The following CLUH variants were observed in gnomAD, a reference collection of about 807,000 sequenced individuals.
The protein encoded by CLUH is CLUH binding protein of NUMT mRNA.
Under a neutral mutation model 139.3 loss-of-function variants are expected in CLUH, and 77 were observed. That is an observed-to-expected ratio of 0.55 (90% CI 0.46 to 0.67). The LOEUF (loss-of-function observed/expected upper bound fraction) is 0.67. CLUH is among the 30% of genes least tolerant of loss of function. CLUH has a pLI of 0.00. For missense variants in CLUH, 1,876 were observed against 1,875.8 expected (o/e 1.00, Z 0.00); for synonymous variants, 999 against 801.6 (o/e 1.25, Z -4.16).
rs1216207474 is a variant in CLUH at position 2,706,417 on chromosome 17, C to T, written c.101-1853G>A. On this transcript the variant is annotated intron_variant, in intron 1 of 25. Transcript: ENST00000651024. This position sits in a 1 kb window ranked among gnomAD's most constrained non-coding sequence, Gnocchi z 4.6. ...ACCAAGTCAGAATGGGCCCCAGACT[C>T]CCTCCTGCAGCCCGCACCCTACGCC... Among the ~76,000 whole-genome samples, 2 of 152,128 alleles carry T rather than the reference C, an allele frequency of 1.3e-5. No homozygotes were observed. The highest frequency in any genetic ancestry group is 2.9e-5 in the Non-Finnish European group (2 of 68,020).
chr17:2,695,357 C>G lies in CLUH; in HGVS notation c.2544+17G>C, dbSNP rs772742884. On this transcript the variant is annotated intron_variant, in intron 14 of 25. Transcript: ENST00000651024. ...GTCCCACAGCTCCCGTTCCGCCCCA[C>G]CCCGGGCAGCACTCACAAAGACGTG... 5 of 1,612,982 alleles carry G rather than the reference C, an allele frequency of 3.1e-6. No homozygotes were observed. The highest frequency in any genetic ancestry group is 4.5e-5 in the East Asian group (2 of 44,876).
At position 2,691,908 on chromosome 17, in the gene CLUH, G is replaced by T. The variant is rs900642481; in HGVS notation, c.3655-13C>A. 6.7e-7 allele frequency: 1 copy of T among 1,500,584 alleles called. No homozygotes were observed. Among genetic ancestry groups the T allele is most frequent in the East Asian group, 2.5e-5 (1 of 39,672 alleles). The allele number at this position is 1,500,584 out of a possible 1,614,324, so 93.0% of individuals were successfully genotyped here. On this transcript the variant is annotated splice_polypyrimidine_tract_variant and intron_variant, in intron 23 of 25. Coordinates refer to ENST00000651024, the MANE Select transcript of CLUH (RefSeq NM_001366661.1). ...GGTCCTCGCCCAGCTGCGGGGAGGC[G>T]GGAAGGGATCAGGCCCCCCCGTGCC...
At position 2,696,764 on chromosome 17, in the gene CLUH, T is replaced by C. The variant is rs1215976928; in HGVS notation, c.2140A>G (p.Lys714Glu). ...EEGSSASGLA[K>E]VKELAETIAA... ...ATGGTCTCTGCCAGCTCCTTCACCTTGGCCAGGCCGCTGGCGCTGCTACCC... is the reference window on the plus strand; with the variant it reads ...ATGGTCTCTGCCAGCTCCTTCACCTCGGCCAGGCCGCTGGCGCTGCTACCC... The change falls in exon 11 of 26, where the codon AAG becomes GAG. Residue 714 changes from lysine to glutamate, a missense_variant. Physicochemically the swap from Lys to Glu is moderately conservative, Grantham distance 56. Around this residue, in one of 3 missense-constraint regions of CLUH, gnomAD observed 1,454 missense variants for 1,384.4 expected, o/e 1.05. Coordinates refer to ENST00000651024, the MANE Select transcript of CLUH (RefSeq NM_001366661.1). 1 of 1,612,674 alleles carries C rather than the reference T, an allele frequency of 6.2e-7. No homozygotes were observed. Among genetic ancestry groups the C allele is most frequent in the Non-Finnish European group, 8.5e-7 (1 of 1,179,870 alleles).
At chr17:2,693,266 C>T (rs972905324) in intron 19 of CLUH, among the ~76,000 whole-genome samples, 3 of 151,474 alleles carry the variant, frequency 2.0e-5, no homozygotes, top group Admixed American at 6.6e-5. Context: ...TGTGCTGGCT[C>T]ACGCCTGTAA....
Position 2,696,436 on chromosome 17 carries a change from G to C in CLUH, c.2288C>G (p.Pro763Arg). 1 of 1,585,598 alleles carries C rather than the reference G, an allele frequency of 6.3e-7. No homozygotes were observed. Among genetic ancestry groups the C allele is most frequent in the Non-Finnish European group, 8.6e-7 (1 of 1,167,414 alleles). ...GCTGGCCGGCCCCCACCACCTGCCTGGTGAGAAGATGTCAGGATTGAAGCG... is the reference window on the plus strand; with the variant it reads ...GCTGGCCGGCCCCCACCACCTGCCTCGTGAGAAGATGTCAGGATTGAAGCG... ...DIRFNPDIFSPGVRFPESCQD... is the reference protein window; with the variant it reads ...DIRFNPDIFSRGVRFPESCQD... Residue 763 changes from proline (P) to arginine (R), a missense_variant and splice_region_variant, in exon 12 of 26, where the codon CCA becomes CGA. Physicochemically the swap from Pro to Arg is moderately radical, Grantham distance 103. Around this residue, in one of 3 missense-constraint regions of CLUH, gnomAD observed 1,454 missense variants for 1,384.4 expected, o/e 1.05. Transcript: ENST00000651024.
Position 2,704,756 on chromosome 17 carries a change from C to T in CLUH, c.101-192G>A, listed in dbSNP as rs565510265. On this transcript the variant is annotated intron_variant, in intron 1 of 25. Coordinates refer to ENST00000651024, the MANE Select transcript of CLUH (RefSeq NM_001366661.1). This position sits in a 1 kb window ranked among gnomAD's most constrained non-coding sequence, Gnocchi z 5.7. ...CACACCCAGCCGCCCCTCCCAGCCACTGTTCCCTGGCCCACTGTGGTATGG... is the reference window on the plus strand; with the variant it reads ...CACACCCAGCCGCCCCTCCCAGCCATTGTTCCCTGGCCCACTGTGGTATGG... Among the ~76,000 whole-genome samples, 19 of 152,262 alleles carry T rather than the reference C, an allele frequency of 1.2e-4. No individual in the cohort carries two copies. The highest frequency in any genetic ancestry group is 4.6e-4 in the African/African-American group (19 of 41,562).
chr17:2,703,519 T>C lies in CLUH; in HGVS notation c.304-30A>G, dbSNP rs763246802. 13 of 1,604,968 alleles carry C rather than the reference T, an allele frequency of 8.1e-6. No homozygotes were observed. Among genetic ancestry groups the C allele is most frequent in the Non-Finnish European group, 1.0e-5 (12 of 1,174,726 alleles). On this transcript the variant is annotated intron_variant, in intron 2 of 25. Coordinates refer to ENST00000651024, the MANE Select transcript of CLUH (RefSeq NM_001366661.1). The surrounding 1 kb of genome is among the most constrained non-coding windows in gnomAD (Gnocchi z 4.2). The stretch of plus-strand genomic sequence containing the variant: ...AGGGAGAAGGCCCCGCCCACCCCGG[T>C]GAGAGAGCACGTAGCGGGGAGAGAA...
At position 2,704,245 on chromosome 17, in the gene CLUH, T is replaced by A; in HGVS notation, c.303+117A>T. The A allele has an allele frequency of 9.2e-7, 1 of 1,083,692 alleles. No individual in the cohort carries two copies. Among genetic ancestry groups the A allele is most frequent in the South Asian group, 1.5e-5 (1 of 64,768 alleles). 67.1% of individuals were successfully genotyped at this position (1,083,692 alleles called of 1,614,324 possible). ...GAGTGACTCTAGGGAGGGCACGGGA[T>A]CCTCAGTTTCCTGCCACAAAATGGG... is the stretch of plus-strand genomic sequence containing the variant. On this transcript the variant is annotated intron_variant, in intron 2 of 25. Coordinates refer to ENST00000651024, the MANE Select transcript of CLUH (RefSeq NM_001366661.1). This position sits in a 1 kb window ranked among gnomAD's most constrained non-coding sequence, Gnocchi z 5.7.
At position 2,690,391 on chromosome 17, in the gene CLUH, AT is replaced by A; in HGVS notation, c.*202del. 1 of 444,782 alleles carries A rather than the reference AT, an allele frequency of 2.2e-6. No individual in the cohort carries two copies. Among genetic ancestry groups the A allele is most frequent in the Admixed American group, 4.3e-5 (1 of 23,060 alleles). 27.6% of individuals were successfully genotyped at this position (444,782 alleles called of 1,614,324 possible). A position where few individuals can be genotyped will look rare whatever the true frequency, so the allele number is the denominator to read the frequency against. On this transcript the variant is annotated 3_prime_UTR_variant, in exon 26 of 26. Coordinates refer to ENST00000651024, the MANE Select transcript of CLUH (RefSeq NM_001366661.1). Reference sequence around the variant, plus strand: ...CACGTGTCTCCAATGGGGCCTCTGCATCATCTATTCATTGAACCAGCGCAAA... The same window carrying A: ...CACGTGTCTCCAATGGGGCCTCTGCACATCTATTCATTGAACCAGCGCAAA...
rs1567599408 is a variant in CLUH at position 2,707,233 on chromosome 17, A to C, written c.101-2669T>G. Reference sequence around the variant, plus strand: ...GGAGTCTCAGGATGGCCGTGGCAGCAAGGCAGCCAGCTCTCCAGCTCAGCC... The same window carrying C: ...GGAGTCTCAGGATGGCCGTGGCAGCCAGGCAGCCAGCTCTCCAGCTCAGCC... On this transcript the variant is annotated intron_variant, in intron 1 of 25. Coordinates refer to ENST00000651024, the MANE Select transcript of CLUH (RefSeq NM_001366661.1). This position sits in a 1 kb window ranked among gnomAD's most constrained non-coding sequence, Gnocchi z 7.4. 1 of 985,274 alleles carries C rather than the reference A, an allele frequency of 1.0e-6. No individual in the cohort carries two copies. The highest frequency in any genetic ancestry group is 1.2e-6 in the Non-Finnish European group (1 of 829,914). The allele number at this position is 985,274 out of a possible 1,614,324, so 61.0% of individuals were successfully genotyped here. A position where few individuals can be genotyped will look rare whatever the true frequency, so the allele number is the denominator to read the frequency against.
rs975239141 is a variant in CLUH at position 2,695,402 on chromosome 17, G to A, written c.2516C>T (p.Pro839Leu). ...GACGTGGTCCAGCTGGTGGCGGGCC[G>A]GGCTCCGCAGCACCAGCTCCAGCAC... ...GKVLELVLRSPARHQLDHVFK... is the reference protein window; with the variant it reads ...GKVLELVLRSLARHQLDHVFK... The change falls in exon 14 of 26, where the codon CCG (proline) becomes CTG (leucine). Residue 839 changes from proline to leucine, a missense_variant. Transcript: ENST00000651024. 1.4e-5 allele frequency: 22 copies of A among 1,612,678 alleles called. 1 individual carries two copies. Among genetic ancestry groups the A allele is most frequent in the South Asian group, 6.6e-5 (6 of 91,040 alleles).
In CLUH at chr17:2,696,914, A is replaced by C. The variant is rs1393769717; in HGVS notation, c.1990T>G (p.Leu664Val). ...CTGGCGTTCTGCTGCATCAGCTGCA[A>C]GGCGGCCAGCTTCATAAAGAGGAGG... ...RYLLFMKLAA[L>V]QLMQQNASQL... is the part of the protein sequence containing the mutation. Residue 664 changes from leucine to valine, a missense_variant, in exon 11 of 26, where the codon TTG (leucine) becomes GTG (valine). Around this residue, in one of 3 missense-constraint regions of CLUH, gnomAD observed 1,454 missense variants for 1,384.4 expected, o/e 1.05. Coordinates refer to ENST00000651024, the MANE Select transcript of CLUH (RefSeq NM_001366661.1). The C allele has an allele frequency of 3.1e-6, 5 of 1,604,640 alleles. No individual in the cohort carries two copies. Among genetic ancestry groups the C allele is most frequent in the Non-Finnish European group, 4.3e-6 (5 of 1,175,852 alleles).
Position 2,694,844 on chromosome 17 carries a change from G to GGCCCCCCCC in CLUH, c.2852+12_2852+13insGGGGGGGGC. ...CAATCCCACCCACCCCACCGCCCCT[G>GGCCCCCCCC]CCCCGCACGCACCACTCGAGGTCGA... On this transcript the variant is annotated intron_variant, in intron 16 of 25. Transcript: ENST00000651024. The GGCCCCCCCC allele has an allele frequency of 6.9e-7, 1 of 1,445,314 alleles. No homozygotes were observed. Among genetic ancestry groups the GGCCCCCCCC allele is most frequent in the Non-Finnish European group, 9.3e-7 (1 of 1,079,824 alleles). 89.5% of individuals were successfully genotyped at this position (1,445,314 alleles called of 1,614,324 possible).
rs2070393224 is a variant in CLUH, at chr17:2,707,865, T to C, written c.101-3301A>G. 1 of 985,308 alleles carries C rather than the reference T, an allele frequency of 1.0e-6. No individual in the cohort carries two copies. Among genetic ancestry groups the C allele is most frequent in the Admixed American group, 6.1e-5 (1 of 16,274 alleles). 61.0% of individuals were successfully genotyped at this position (985,308 alleles called of 1,614,324 possible). Reference sequence around the variant, plus strand: ...GGTGACCTGGCTGCCAGCCCCTTCCTGGGAGTCACTGGTTCTGGTGGAAGG... The same window carrying C: ...GGTGACCTGGCTGCCAGCCCCTTCCCGGGAGTCACTGGTTCTGGTGGAAGG... On this transcript the variant is annotated intron_variant, in intron 1 of 25. Coordinates refer to ENST00000651024, the MANE Select transcript of CLUH (RefSeq NM_001366661.1). The surrounding 1 kb of genome is among the most constrained non-coding windows in gnomAD (Gnocchi z 7.4).
chr17:2,694,833 C>A (rs964297285), intron 16 of CLUH, 24 bp downstream of exon 16: 1 of 1,470,840 alleles, frequency 6.8e-7, no homozygotes, highest in Non-Finnish European at 9.0e-7. Flanking sequence ...CCCACCCACC[C>A]CACCGCCCCT....
In CLUH at chr17:2,707,494, C is replaced by T; in HGVS notation, c.101-2930G>A. The T allele has an allele frequency of 1.0e-6, 1 of 985,416 alleles. No homozygotes were observed. Among genetic ancestry groups the T allele is most frequent in the Non-Finnish European group, 1.2e-6 (1 of 829,912 alleles). The allele number at this position is 985,416 out of a possible 1,614,324, so 61.0% of individuals were successfully genotyped here. ...CCAGGACCCCAGGGGGAGCTGCTAT[C>T]AGCACTCAGGCCCACCTCCCTATGC... On this transcript the variant is annotated intron_variant, in intron 1 of 25. Coordinates refer to ENST00000651024, the MANE Select transcript of CLUH (RefSeq NM_001366661.1). The surrounding 1 kb of genome is among the most constrained non-coding windows in gnomAD (Gnocchi z 7.4).
rs762820436 is a variant in CLUH at position 2,696,779 on chromosome 17, CGCT to C, written c.2122_2124del (p.Ser708del). 6 of 1,612,962 alleles carry C rather than the reference CGCT, an allele frequency of 3.7e-6. No individual in the cohort carries two copies. The South Asian group carries it at 6.6e-5, about 18-fold the overall frequency. On this transcript the variant is annotated inframe_deletion, in exon 11 of 26. Coordinates refer to ENST00000651024, the MANE Select transcript of CLUH (RefSeq NM_001366661.1). Reference sequence around the variant, plus strand: ...TCCTTCACCTTGGCCAGGCCGCTGGCGCTGCTACCCTCCTCCTCACTTCCCGCC... The same window carrying C: ...TCCTTCACCTTGGCCAGGCCGCTGGCGCTACCCTCCTCCTCACTTCCCGCC...
Position 2,700,384 on chromosome 17 carries a change from T to C in CLUH, c.1264A>G (p.Lys422Glu). 6.2e-7 allele frequency: 1 copy of C among 1,612,404 alleles called. No individual in the cohort carries two copies. The highest frequency in any genetic ancestry group is 8.5e-7 in the Non-Finnish European group (1 of 1,179,510). ...ERLLRERAIF[K>E]VHSDFTAAAT... ...CGGTCAGCAGAGGCTGCAGGCACCT[T>C]GAATATGGCCCTTTCTCGGAGCAGC... Residue 422 changes from lysine (K) to glutamate (E), a missense_variant and splice_region_variant, in exon 9 of 26, where the codon AAG (lysine) becomes GAG (glutamate). This residue lies in a region of CLUH where 1,454 missense variants were observed against 1,384.4 expected (regional missense o/e 1.05). Transcript: ENST00000651024.
In CLUH at chr17:2,704,315, C is replaced by G; in HGVS notation, c.303+47G>C. The G allele has an allele frequency of 6.4e-7, 1 of 1,570,142 alleles. No individual in the cohort carries two copies. Among genetic ancestry groups the G allele is most frequent in the Non-Finnish European group, 8.7e-7 (1 of 1,154,574 alleles). On this transcript the variant is annotated intron_variant, in intron 2 of 25. Transcript: ENST00000651024. The surrounding 1 kb of genome is among the most constrained non-coding windows in gnomAD (Gnocchi z 5.7). The stretch of plus-strand genomic sequence containing the variant: ...AGGCTGAGCTTTCCAGCTCACCCTC[C>G]CCAGCAGGCTCAGGCCTGGCCCCCA...
Sources: allele counts gnomAD v4.1 joint callset (sites outside exome capture counted in the v4.1 genomes callset), GRCh38; gene constraint gnomAD v4.1.1; regional missense constraint gnomAD v4.1.1; non-coding constraint Gnocchi (gnomAD v3.1); transcripts MANE v1.5; gene names NCBI Gene and HGNC (gene_info 2026-07-23, HGNC 2026-07-21).